Variants in SMARCAL1 observed in about 807,000 individuals in gnomAD.
SMARCAL1 encodes ATP-driven annealing helicase.
A neutral mutation model predicts 94.5 loss-of-function variants in SMARCAL1; 58 were observed. That is an observed-to-expected ratio of 0.61 (90% CI 0.50 to 0.76). The LOEUF (loss-of-function observed/expected upper bound fraction) is 0.76, where lower values mean the gene tolerates loss of function less well. Among genes scored for constraint, SMARCAL1 ranks in the 30% least tolerant of loss-of-function variants. SMARCAL1 has a pLI of 0.00. For synonymous variants in SMARCAL1, 422 were observed against 455.1 expected, an observed-to-expected ratio of 0.93 and a Z score of 0.93; for missense variants, 1,051 against 1,177.9, an observed-to-expected ratio of 0.89 and a Z score of 1.58.
chr2:216,435,247 G>A, intron 8 of SMARCAL1, 91 bp from the exon 9 acceptor site: 1 of 1,337,574 alleles, frequency 7.5e-7, no homozygotes, highest in Admixed American at 1.7e-5. Context: ...AGAGGTGATG[G>A]CTGTTGATGG....
At chr2:216,450,293 C>T (rs1343698588) in intron 11 of SMARCAL1, among the ~76,000 whole-genome samples, 1 of 152,216 alleles carries the variant, frequency 6.6e-6, no homozygotes, top group Non-Finnish European at 1.5e-5. Flanking sequence ...GTGGGCTCCT[C>T]CTGCCAACCC....
intron 10 of SMARCAL1, among the ~76,000 whole-genome samples, chr2:216,444,535 C>G (rs931623904): frequency 5.3e-5 from 8 of 152,038 alleles, no homozygotes; most frequent in African/African-American, 1.9e-4. Context: ...TTTTTTGAGA[C>G]AGAGTTTCAC....
chr2:216,478,859 C>T (rs1695142002), intron 17 of SMARCAL1, among the ~76,000 whole-genome samples: 1 of 110,838 alleles, frequency 9.0e-6, no homozygotes, highest in Admixed American at 8.2e-5. Context: ...CTCCTTTGAG[C>T]TCAGCCCTTG....
chr2:216,468,552 A>G (rs373987716), intron 14 of SMARCAL1, among the ~76,000 whole-genome samples: 46 of 152,278 alleles, frequency 3.0e-4, no homozygotes, highest in African/African-American at 8.2e-4. Flanking sequence ...TGAAAACTGA[A>G]CACATTTCAT....
chr2:216,439,304 C>T (rs1694146058), intron 10 of SMARCAL1, among the ~76,000 whole-genome samples: 1 of 143,164 alleles, frequency 7.0e-6, no homozygotes, highest in Non-Finnish European at 1.5e-5. Context: ...GAGGGTAGTC[C>T]TCCAAATTTC....
Position 216,461,868 on chromosome 2 carries a change from A to G in SMARCAL1, c.2071-2729A>G, listed in dbSNP as rs76330231. 5.8e-3 allele frequency among the ~76,000 whole-genome samples: 879 copies of G among 151,910 alleles called. 9 individuals are homozygous for G. Among genetic ancestry groups the G allele is most frequent in the African/African-American group, 0.019 (802 of 41,440 alleles). On this transcript the variant is annotated intron_variant, in intron 12 of 17. Coordinates refer to ENST00000357276, the MANE Select transcript of SMARCAL1 (RefSeq NM_014140.4). ...ACAAACCATAATATTTAAAGACTGC[A>G]TAGTGTTTTCTCACACGGCTATAAT...
intron 1 of SMARCAL1, among the ~76,000 whole-genome samples, chr2:216,413,128 G>GGGATAGAT (rs538728898): frequency 1.3e-3 from 186 of 144,986 alleles, no homozygotes; most frequent in African/African-American, 4.5e-3. Context: ...AAGTTCTCTG[G>GGGATAGAT]GGATAGATAC....
At chr2:216,443,945 G>T (rs1332636704) in intron 10 of SMARCAL1, among the ~76,000 whole-genome samples, 1 of 152,196 alleles carries the variant, frequency 6.6e-6, no homozygotes. Flanking sequence ...TTTGCCCTTA[G>T]GCTTTCGATT....
intron 12 of SMARCAL1, among the ~76,000 whole-genome samples, chr2:216,461,726 T>C (rs1694710519): frequency 6.6e-6 from 1 of 151,476 alleles, no homozygotes. Context: ...GCTACTTGGG[T>C]AGGAGGCTGA....
intron 13 of SMARCAL1, among the ~76,000 whole-genome samples, chr2:216,465,321 C>T (rs1247794549): frequency 6.6e-6 from 1 of 152,054 alleles, no homozygotes; most frequent in Non-Finnish European, 1.5e-5. Context: ...GTGGGGTTGT[C>T]CCCAGCACCA....
intron 12 of SMARCAL1, among the ~76,000 whole-genome samples, chr2:216,462,287 A>G (rs958548032): frequency 2.6e-5 from 4 of 151,898 alleles, no homozygotes; most frequent in Non-Finnish European, 4.4e-5. Context: ...TGTAGGTGGG[A>G]GGGGTAGGCT....
At chr2:216,415,538 G>GTTTTTTTTTTTTTTTTTTTTTTTTTTTT in intron 3 of SMARCAL1, 23 bp downstream of exon 3, 1 of 1,399,878 alleles carries the variant, frequency 7.1e-7, no homozygotes, top group Non-Finnish European at 9.8e-7. Flanking sequence ...TTTTTCAGCT[G>GTTTTTTTTTTTTTTTTTTTTTTTTTTTT]TTTTTTTTTT....
intron 6 of SMARCAL1, among the ~76,000 whole-genome samples, chr2:216,424,806 T>C (rs1227220802): frequency 6.6e-6 from 1 of 152,190 alleles, no homozygotes; most frequent in African/African-American, 2.4e-5. Context: ...GAATATGAGA[T>C]GGTAACTTAA....
rs1169822610 is a variant in SMARCAL1 at position 216,451,061 on chromosome 2, A to T, written c.2067A>T (p.Lys689Asn). The change falls in exon 12 of 18, where the codon AAA (lysine) becomes AAT (asparagine). Residue 689 changes from lysine (K) to asparagine (N), a missense_variant. Physicochemically the swap from Lys to Asn is moderately conservative, Grantham distance 94. Transcript: ENST00000357276. Reference protein sequence around the residue: ...AAAKEMTTKDKTKQQQKDALI... With the variant: ...AAAKEMTTKDNTKQQQKDALI... ...CCAAGGAAATGACCACCAAGGACAA[A>T]ACTGTGAGTCCAGGGCTGGAGACAG... The T allele has an allele frequency of 3.1e-6, 5 of 1,613,504 alleles. No homozygotes were observed. The highest frequency in any genetic ancestry group is 4.2e-6 in the Non-Finnish European group (5 of 1,179,468).
rs1265303129 is a variant in SMARCAL1, at chr2:216,415,257, C to T, written c.553C>T (p.Pro185Ser). Reference protein sequence around the residue: ...ETPAHSSGQPPRDAKLEAKTA... With the variant: ...ETPAHSSGQPSRDAKLEAKTA... ...ACCAGCTCATTCCTCTGGACAGCCT[C>T]CCAGGGATGCTAAGTTAGAGGCCAA... is the stretch of plus-strand genomic sequence containing the variant. The change falls in exon 3 of 18, where the codon CCC becomes TCC. Residue 185 changes from proline to serine, a missense_variant. Around this residue, in one of 3 missense-constraint regions of SMARCAL1, gnomAD observed 398 missense variants for 395.2 expected, o/e 1.01. Transcript: ENST00000357276. The T allele has an allele frequency of 2.5e-5, 41 of 1,614,142 alleles. No individual in the cohort carries two copies. Among genetic ancestry groups the T allele is most frequent in the Non-Finnish European group, 3.3e-5 (39 of 1,180,056 alleles).
intron 13 of SMARCAL1, 82 bp from the exon 14 acceptor site, chr2:216,467,862 G>C (rs1159518767): frequency 2.3e-6 from 2 of 863,162 alleles, no homozygotes; most frequent in Non-Finnish European, 3.9e-6. Context: ...CAGATAATAA[G>C]AATGTTTCAG....
chr2:216,441,566 T>C (rs1486159783), intron 10 of SMARCAL1, among the ~76,000 whole-genome samples: 2 of 152,252 alleles, frequency 1.3e-5, no homozygotes, highest in Non-Finnish European at 2.9e-5. Flanking sequence ...CATCCCATAA[T>C]TTAATCCTCA....
At chr2:216,423,837 C>A (rs1014309290) in intron 6 of SMARCAL1, among the ~76,000 whole-genome samples, 154 bp downstream of exon 6, 2 of 152,184 alleles carry the variant, frequency 1.3e-5, no homozygotes, top group Non-Finnish European at 2.9e-5. Flanking sequence ...GCAGCCTTGT[C>A]CACATCCACT....
chr2:216,426,345 A>G (rs1365831448), intron 6 of SMARCAL1, among the ~76,000 whole-genome samples: 2 of 152,264 alleles, frequency 1.3e-5, no homozygotes, highest in Non-Finnish European at 2.9e-5. Flanking sequence ...TGTGACTCAC[A>G]TAGCATTGTA....
Sources: gnomAD v4.1 joint callset for allele counts (sites outside exome capture counted in the v4.1 genomes callset) on GRCh38, gnomAD v4.1.1 for gene constraint, gnomAD v4.1.1 regional missense constraint, MANE v1.5 for transcripts, NCBI Gene and HGNC (gene_info 2026-07-23, HGNC 2026-07-21) for gene names.